The following SYNE3 variants were observed in gnomAD, a reference collection of about 807,000 sequenced individuals.
SYNE3 encodes spectrin repeat containing nuclear envelope family member 3.
SYNE3 carries 100 observed loss-of-function variants against 111.2 expected under a neutral mutation model. The observed-to-expected ratio is 0.90, with a 90% CI of 0.77 to 1.06. SYNE3 has a LOEUF of 1.06. SYNE3 is among the 50% of genes least tolerant of loss of function. The probability of loss-of-function intolerance (pLI) is 0.00; values close to 1 mark genes in which losing one functional copy is unlikely to be tolerated. For missense variants in SYNE3, 1,160 were observed against 1,240.3 expected (o/e 0.94, Z 0.97); for synonymous variants, 547 against 533.9 (o/e 1.02, Z -0.34).
chr14:95,421,574 G>A (rs1187763), intron 17 of SYNE3, among the ~76,000 whole-genome samples: 55,127 of 152,096 alleles, frequency 0.36, 12,055 homozygotes, highest in Non-Finnish European at 0.5. Context: ...ACCAATGTAG[G>A]AAGGATAAAT....
At chr14:95,503,651 CTT>C (rs1890424097) in intron 1 of SYNE3, among the ~76,000 whole-genome samples, 1 of 93,226 alleles carries the variant, frequency 1.1e-5, no homozygotes, top group Non-Finnish European at 2.0e-5. Flanking sequence ...ACAGGTCTCT[CTT>C]TGTTGCCCAG....
At chr14:95,439,311 C>T in intron 13 of SYNE3, 149 bp from the exon 14 acceptor site, 2 of 1,239,964 alleles carry the variant, frequency 1.6e-6, no homozygotes, top group East Asian at 4.7e-5. Context: ...ATGCTCACAT[C>T]CGGTTTCTGA....
At chr14:95,460,148 G>T (rs1595217112) in intron 4 of SYNE3, among the ~76,000 whole-genome samples, 1 of 152,104 alleles carries the variant, frequency 6.6e-6, no homozygotes, top group African/African-American at 2.4e-5. Flanking sequence ...TCCAACTGGG[G>T]TTGTGAAAAA....
rs1037052482 is a variant in SYNE3 at position 95,443,377 on chromosome 14, G to C, written c.1777-88C>G. The C allele has an allele frequency of 5.0e-5, 76 of 1,522,388 alleles. No individual in the cohort carries two copies. In the African/African-American group the frequency reaches 7.6e-4, roughly 15 times the overall value. 94.3% of individuals were successfully genotyped at this position (1,522,388 alleles called of 1,614,324 possible). A position where few individuals can be genotyped will look rare whatever the true frequency, so the allele number is the denominator to read the frequency against. ...ATCAGGGCAGAGCCTCTGAGTGGGA[G>C]AGCCTGGGAGGGGTGAATTCCCCAA... is the stretch of plus-strand genomic sequence containing the variant. On this transcript the variant is annotated intron_variant, in intron 10 of 17. Coordinates refer to ENST00000682763, the MANE Select transcript of SYNE3 (RefSeq NM_152592.6).
intron 8 of SYNE3, among the ~76,000 whole-genome samples, chr14:95,448,979 A>T (rs528522478): frequency 6.6e-6 from 1 of 152,254 alleles, no homozygotes; most frequent in Admixed American, 6.5e-5. Flanking sequence ...GCCTTTTATA[A>T]TCAGAATGAT....
Position 95,408,858 on chromosome 14 carries a change from C to G in SYNE3, c.*8968G>C, listed in dbSNP as rs1169641215. On this transcript the variant is annotated 3_prime_UTR_variant, in exon 18 of 18. Transcript: ENST00000682763. Reference sequence around the variant, plus strand: ...AGGCAGAGACCGCGCAAAGCCAACTCTGTCCTCTGCCTGCCCCCGCAAGGG... The same window carrying G: ...AGGCAGAGACCGCGCAAAGCCAACTGTGTCCTCTGCCTGCCCCCGCAAGGG... The G allele has an allele frequency of 3.0e-6, 1 of 336,734 alleles. No individual in the cohort carries two copies. The highest frequency in any genetic ancestry group is 2.2e-5 in the African/African-American group (1 of 46,500). 20.9% of individuals were successfully genotyped at this position (336,734 alleles called of 1,614,324 possible).
At chr14:95,480,143 A>T (rs1466773337) in intron 1 of SYNE3, among the ~76,000 whole-genome samples, 2 of 152,240 alleles carry the variant, frequency 1.3e-5, no homozygotes, top group Non-Finnish European at 2.9e-5. Context: ...AAGAAGCAAA[A>T]AAAAGTATTT....
chr14:95,469,067 T>C (rs751461510), intron 2 of SYNE3, among the ~76,000 whole-genome samples: 49 of 152,252 alleles, frequency 3.2e-4, no homozygotes, highest in South Asian at 2.1e-4. Flanking sequence ...CGCAACCCAG[T>C]CACTACCTGC....
intron 17 of SYNE3, among the ~76,000 whole-genome samples, chr14:95,425,472 C>A (rs557927008): frequency 6.6e-6 from 1 of 152,090 alleles, no homozygotes; most frequent in Non-Finnish European, 1.5e-5. Context: ...AGGTGGAGAA[C>A]GGGATTTTCA....
At chr14:95,455,333 A>C in intron 6 of SYNE3, 44 bp downstream of exon 6, 1 of 1,455,368 alleles carries the variant, frequency 6.9e-7, no homozygotes, top group Non-Finnish European at 9.1e-7. Context: ...GACCCTGGGC[A>C]CAGACAGCAC....
chr14:95,449,460 G>C (rs890788357), intron 8 of SYNE3: 1 of 985,446 alleles, frequency 1.0e-6, no homozygotes, highest in Non-Finnish European at 1.2e-6. Flanking sequence ...TTTGGAGCCG[G>C]AGCAGCCATG....
intron 16 of SYNE3, among the ~76,000 whole-genome samples, chr14:95,432,430 G>A (rs1885830524): frequency 3.3e-5 from 5 of 152,140 alleles, no homozygotes; most frequent in African/African-American, 9.6e-5. Flanking sequence ...AAAGCCTGGG[G>A]CGCCCAGCTT....
At chr14:95,475,548 T>G in intron 2 of SYNE3, 130 bp downstream of exon 2, 1 of 1,094,944 alleles carries the variant, frequency 9.1e-7, no homozygotes, top group South Asian at 2.8e-5. Flanking sequence ...GAGATCTGTG[T>G]GCACATCAGA....
At chr14:95,492,166 G>C (rs751500873) in intron 1 of SYNE3, among the ~76,000 whole-genome samples, 2 of 152,212 alleles carry the variant, frequency 1.3e-5, no homozygotes, top group Admixed American at 6.5e-5. Context: ...ACCCTTATAT[G>C]CTGCTGGTAG....
chr14:95,495,572 C>T (rs567815592), intron 1 of SYNE3, among the ~76,000 whole-genome samples: 44 of 152,230 alleles, frequency 2.9e-4, no homozygotes, highest in Non-Finnish European at 5.6e-4. Flanking sequence ...ACCTTCAAAT[C>T]AGGGGTCATC....
chr14:95,429,848 G>T, intron 17 of SYNE3: 1 of 803,188 alleles, frequency 1.2e-6, no homozygotes, highest in Non-Finnish European at 1.5e-6. Context: ...GTGCTACTGA[G>T]CAACATCAGC....
intron 4 of SYNE3, among the ~76,000 whole-genome samples, chr14:95,460,367 G>GTT (rs548346693): frequency 9.9e-4 from 84 of 85,230 alleles, no homozygotes; most frequent in African/African-American, 1.7e-3. Flanking sequence ...ACGATGCCTA[G>GTT]TTTTTTTTTT....
intron 8 of SYNE3, among the ~76,000 whole-genome samples, chr14:95,449,231 C>G (rs1360854476): frequency 6.6e-6 from 1 of 152,206 alleles, no homozygotes; most frequent in East Asian, 1.9e-4. Context: ...AGTTCCGAGG[C>G]ACTGAGTCTA....
rs886377527 is a variant in SYNE3 at position 95,407,875 on chromosome 14, T to C, written c.*9951A>G. On this transcript the variant is annotated 3_prime_UTR_variant, in exon 18 of 18. Transcript: ENST00000682763. ...CATGAACAGGTCAGTATCAGGTTAGTGTAACCAGGTCTCCAGGTACAAAGG... is the reference window on the plus strand; with the variant it reads ...CATGAACAGGTCAGTATCAGGTTAGCGTAACCAGGTCTCCAGGTACAAAGG... 2.0e-5 allele frequency: 3 copies of C among 152,126 alleles called. No homozygotes were observed. The highest frequency in any genetic ancestry group is 7.2e-5 in the African/African-American group (3 of 41,420). 9.4% of individuals were successfully genotyped at this position (152,126 alleles called of 1,614,324 possible).
Sources: allele counts gnomAD v4.1 joint callset (sites outside exome capture counted in the v4.1 genomes callset), GRCh38; gene constraint gnomAD v4.1.1; transcripts MANE v1.5; gene names NCBI Gene and HGNC (gene_info 2026-07-23, HGNC 2026-07-21).